PSPC1: variants seen among roughly 807,000 people sequenced by gnomAD.
PSPC1 encodes paraspeckle protein 1.
PSPC1 carries 14 observed loss-of-function variants against 51.6 expected under a neutral mutation model. The observed-to-expected ratio is 0.27, with a 90% CI of 0.18 to 0.42. PSPC1 has a LOEUF of 0.42. Ranked by LOEUF, PSPC1 falls within the 10% of genes least tolerant of loss-of-function variation. The pLI is 1.00. For missense variants in PSPC1, 406 were observed against 701.1 expected, an observed-to-expected ratio of 0.58 and a Z score of 4.75; for synonymous variants, 193 against 231.9, an observed-to-expected ratio of 0.83 and a Z score of 1.53.
intron 8 of PSPC1, among the ~76,000 whole-genome samples, chr13:19,705,083 T>A (rs1436097332): frequency 6.6e-6 from 1 of 152,198 alleles, no homozygotes; most frequent in African/African-American, 2.4e-5. Flanking sequence ...AGAATGCTGG[T>A]AAAAGATGGA....
At chr13:19,738,287 T>C (rs574678319) in intron 5 of PSPC1, among the ~76,000 whole-genome samples, 12 of 152,230 alleles carry the variant, frequency 7.9e-5, no homozygotes, top group Admixed American at 2.6e-4. Flanking sequence ...AATTTGAGTC[T>C]CATTATCCAC....
At chr13:19,743,802 T>G (rs1424511191) in intron 4 of PSPC1, among the ~76,000 whole-genome samples, 1 of 152,184 alleles carries the variant, frequency 6.6e-6, no homozygotes, top group Non-Finnish European at 1.5e-5. Flanking sequence ...AAATACTCAT[T>G]AGAATTACTT....
intron 6 of PSPC1, among the ~76,000 whole-genome samples, chr13:19,690,587 G>T (rs1461753542): frequency 6.6e-6 from 1 of 151,966 alleles, no homozygotes; most frequent in Non-Finnish European, 1.5e-5. Context: ...TTACTTCCAC[G>T]TCCTCTGGTC....
chr13:19,686,529 CA>C (rs1877903038), intron 6 of PSPC1, among the ~76,000 whole-genome samples: 2 of 152,058 alleles, frequency 1.3e-5, no homozygotes, highest in South Asian at 4.2e-4. Context: ...AAGGATACAC[CA>C]GAAATTAGTA....
chr13:19,781,478 A>G (rs1281381553), intron 1 of PSPC1, among the ~76,000 whole-genome samples: 4 of 152,166 alleles, frequency 2.6e-5, no homozygotes, highest in Non-Finnish European at 4.4e-5. Context: ...ATACTGGGAT[A>G]TGTATCAGTA....
At chr13:19,682,883 GAGAGACCCT>G in intron 6 of PSPC1, among the ~76,000 whole-genome samples, 1 of 151,688 alleles carries the variant, frequency 6.6e-6, no homozygotes, top group African/African-American at 2.4e-5. Context: ...GTAACATAGT[GAGAGACCCT>G]GTCTCTCACT....
rs1372435028 is a variant in PSPC1 at position 19,751,380 on chromosome 13, T to C, written c.858A>G (p.Glu286=). The change falls in exon 4 of 9, where the codon GAA becomes GAG. Residue 286 remains glutamate (E), a synonymous_variant. Coordinates refer to ENST00000338910, the MANE Select transcript of PSPC1 (RefSeq NM_001354909.2). ...ASRWKALDEM[E]KQQREQVDRN... is the part of the protein sequence containing the mutation. Reference sequence around the variant, plus strand: ...TATCAACCTGCTCACGCTGCTGCTTTTCCATTTCATCAAGAGCCTTCCATC... The same window carrying C: ...TATCAACCTGCTCACGCTGCTGCTTCTCCATTTCATCAAGAGCCTTCCATC... 1.3e-6 allele frequency: 2 copies of C among 1,594,612 alleles called. No individual in the cohort carries two copies. The highest frequency in any genetic ancestry group is 1.7e-6 in the Non-Finnish European group (2 of 1,173,272).
rs748524016 is a variant in PSPC1 at position 19,782,726 on chromosome 13, C to G, written c.32G>C (p.Arg11Pro). ...AAGGCGGGCCGGGTTTTTCTCAATG[C>G]GCACTTGCTTCAGGTTTCCTCTTAA... The part of the protein sequence containing the change: MMLRGNLKQV[R>P]IEKNPARLRA... Residue 11 changes from arginine (R) to proline (P), a missense_variant, in exon 1 of 9, where the codon CGC becomes CCC. This residue lies in a region of PSPC1 where 128 missense variants were observed against 107.1 expected (regional missense o/e 1.20). Transcript: ENST00000338910. This position sits in a 1 kb window ranked among gnomAD's most constrained non-coding sequence, Gnocchi z 4.5. The G allele has an allele frequency of 6.4e-7, 1 of 1,567,914 alleles. No homozygotes were observed. The highest frequency in any genetic ancestry group is 2.4e-5 in the East Asian group (1 of 40,948).
At chr13:19,750,938 T>G (rs1482787155) in intron 4 of PSPC1, among the ~76,000 whole-genome samples, 1 of 151,904 alleles carries the variant, frequency 6.6e-6, no homozygotes, top group Admixed American at 6.6e-5. Flanking sequence ...GCTGGCTAAT[T>G]TTGTATTTTT....
chr13:19,685,488 C>A (rs1477163268), intron 6 of PSPC1, among the ~76,000 whole-genome samples: 4 of 152,196 alleles, frequency 2.6e-5, no homozygotes, highest in Admixed American at 2.0e-4. Context: ...ACAGGAAGCA[C>A]CTCTATGAGG....
At chr13:19,688,636 C>T (rs78278318) in intron 6 of PSPC1, among the ~76,000 whole-genome samples, 2,735 of 152,294 alleles carry the variant, frequency 0.018, 82 homozygotes, top group African/African-American at 0.062. Context: ...ATCTACCCCA[C>T]GCTGGCTGCG....
chr13:19,748,669 G>A (rs966969772), intron 4 of PSPC1, among the ~76,000 whole-genome samples: 81 of 151,634 alleles, frequency 5.3e-4, no homozygotes, highest in Non-Finnish European at 4.3e-4. Flanking sequence ...ACCACTGTTC[G>A]TAGCATCAAC....
chr13:19,731,736 T>A (rs905283463), intron 5 of PSPC1, among the ~76,000 whole-genome samples: 1 of 152,050 alleles, frequency 6.6e-6, no homozygotes, highest in Non-Finnish European at 1.5e-5. Context: ...ATAGCCAACA[T>A]GATGTTTAAA....
At chr13:19,769,268 T>G (rs1165705574) in intron 2 of PSPC1, among the ~76,000 whole-genome samples, 1 of 144,682 alleles carries the variant, frequency 6.9e-6, no homozygotes, top group East Asian at 2.0e-4. Context: ...AGAAACCCCG[T>G]CTAACGGCCG....
At chr13:19,777,994 A>C (rs1889353114) in intron 1 of PSPC1, among the ~76,000 whole-genome samples, 1 of 152,122 alleles carries the variant, frequency 6.6e-6, no homozygotes, top group Admixed American at 6.6e-5. Flanking sequence ...CTGAAATCCA[A>C]GAACTTTGGG....
intron 6 of PSPC1, among the ~76,000 whole-genome samples, chr13:19,710,869 G>A (rs1219847404): frequency 1.3e-5 from 2 of 150,352 alleles, no homozygotes; most frequent in South Asian, 2.1e-4. Context: ...AGAGATCCTC[G>A]CTCTGTTGCC....
chr13:19,750,929 CT>C (rs1235116359), intron 4 of PSPC1, among the ~76,000 whole-genome samples: 3 of 152,018 alleles, frequency 2.0e-5, no homozygotes, highest in Non-Finnish European at 4.4e-5. Flanking sequence ...ACCACCACGG[CT>C]GGCTAATTTT....
chr13:19,749,820 A>T (rs1427717182), intron 4 of PSPC1, among the ~76,000 whole-genome samples: 1 of 151,764 alleles, frequency 6.6e-6, no homozygotes, highest in Admixed American at 6.6e-5. Context: ...CTTTAAATCT[A>T]CTCTAAGATA....
chr13:19,700,505 CAAGTG>C (rs1293246716), downstream of PSPC1, among the ~76,000 whole-genome samples: 2 of 151,708 alleles, frequency 1.3e-5, no homozygotes, highest in Non-Finnish European at 2.9e-5. Context: ...TGCAAAAACA[CAAGTG>C]AATCAGTTTT....
Sources: allele counts gnomAD v4.1 joint callset (sites outside exome capture counted in the v4.1 genomes callset), GRCh38; gene constraint gnomAD v4.1.1; regional missense constraint gnomAD v4.1.1; non-coding constraint Gnocchi (gnomAD v3.1); transcripts MANE v1.5; gene names NCBI Gene and HGNC (gene_info 2026-07-23, HGNC 2026-07-21).